Variants in HEMK2 observed in about 807,000 individuals in gnomAD.
The protein encoded by HEMK2 is methyltransferase HEMK2.
the HEMK2 span, among the ~76,000 whole-genome samples, chr21:28,590,709 T>C: frequency 3.9e-5 from 6 of 152,224 alleles, no homozygotes; most frequent in African/African-American, 1.4e-4. Flanking sequence ...GCCAAAGTCA[T>C]CACTGATGAA....
the HEMK2 span, among the ~76,000 whole-genome samples, chr21:28,881,399 T>G: frequency 1.2e-4 from 18 of 152,186 alleles, no homozygotes; most frequent in Non-Finnish European, 2.6e-4. Context: ...ATAACCCAAG[T>G]TGATCCAGAT....
chr21:28,779,645 T>C, the HEMK2 span, among the ~76,000 whole-genome samples: 1 of 152,150 alleles, frequency 6.6e-6, no homozygotes, highest in African/African-American at 2.4e-5. Flanking sequence ...GTAAGTGAGA[T>C]CTTCTGTCTC....
the HEMK2 span, among the ~76,000 whole-genome samples, chr21:28,759,843 G>A: frequency 3.9e-5 from 6 of 152,116 alleles, no homozygotes; most frequent in South Asian, 2.1e-4. Flanking sequence ...CCCCAGCCAC[G>A]TGGAACTGTG....
chr21:28,876,811 C>T, the HEMK2 span, among the ~76,000 whole-genome samples: 1 of 152,060 alleles, frequency 6.6e-6, no homozygotes, highest in South Asian at 2.1e-4. Flanking sequence ...TGGCTCCAAT[C>T]TCTGCCCTAT....
chr21:28,668,162 A>G, the HEMK2 span, among the ~76,000 whole-genome samples: 1 of 152,216 alleles, frequency 6.6e-6, no homozygotes, highest in Admixed American at 6.5e-5. Flanking sequence ...ACCTTAAATA[A>G]GGCACTAAAG....
the HEMK2 span, among the ~76,000 whole-genome samples, chr21:28,826,612 G>A: frequency 5.9e-5 from 9 of 152,242 alleles, no homozygotes; most frequent in South Asian, 8.3e-4. Flanking sequence ...GTTATCCACA[G>A]ACTGTATAAA....
At chr21:28,881,969 G>A in the HEMK2 span, among the ~76,000 whole-genome samples, 10 of 152,068 alleles carry the variant, frequency 6.6e-5, no homozygotes, top group Non-Finnish European at 1.2e-4. Context: ...GTTTGAACTG[G>A]GTTCACTATC....
At chr21:28,601,756 G>GCA in the HEMK2 span, among the ~76,000 whole-genome samples, 83,955 of 151,754 alleles carry the variant, frequency 0.55, 23,775 homozygotes, top group Middle Eastern at 0.59. Flanking sequence ...ACTGAAGCTA[G>GCA]CAGACTATTA....
the HEMK2 span, among the ~76,000 whole-genome samples, chr21:28,805,491 ATGTT>A: frequency 6.6e-6 from 1 of 152,222 alleles, no homozygotes; most frequent in Non-Finnish European, 1.5e-5. Flanking sequence ...TGAAACCAAA[ATGTT>A]TGGGAATTAC....
At chr21:28,598,591 T>C in the HEMK2 span, among the ~76,000 whole-genome samples, 1 of 152,242 alleles carries the variant, frequency 6.6e-6, no homozygotes, top group Admixed American at 6.5e-5. Context: ...TCTTAGCTTA[T>C]TTTAATGTGT....
At chr21:28,675,574 G>T in the HEMK2 span, among the ~76,000 whole-genome samples, 1 of 152,210 alleles carries the variant, frequency 6.6e-6, no homozygotes, top group African/African-American at 2.4e-5. Context: ...CTTGCTCAGG[G>T]CATGCCCTTA....
chr21:28,664,321 A>G, the HEMK2 span, among the ~76,000 whole-genome samples: 1 of 152,206 alleles, frequency 6.6e-6, no homozygotes, highest in African/African-American at 2.4e-5. Context: ...CCATAAATAA[A>G]TATATGTACA....
the HEMK2 span, among the ~76,000 whole-genome samples, chr21:28,720,876 T>C: frequency 6.6e-6 from 1 of 152,196 alleles, no homozygotes; most frequent in African/African-American, 2.4e-5. Flanking sequence ...TCCATACTTC[T>C]TGAGCCCAAC....
chr21:28,605,465 A>G, the HEMK2 span, among the ~76,000 whole-genome samples: 1 of 152,348 alleles, frequency 6.6e-6, no homozygotes, highest in East Asian at 1.9e-4. Flanking sequence ...GTCTTCAAAT[A>G]TGTCAAAAGC....
chr21:28,838,599 C>T, the HEMK2 span, among the ~76,000 whole-genome samples: 11,106 of 149,748 alleles, frequency 0.074, 472 homozygotes, highest in Middle Eastern at 0.11. Context: ...AACACAGATG[C>T]TAAAATCCTT....
chr21:28,655,486 C>A, the HEMK2 span, among the ~76,000 whole-genome samples: 1 of 152,160 alleles, frequency 6.6e-6, no homozygotes, highest in East Asian at 1.9e-4. Flanking sequence ...AAATCCATCT[C>A]AATTGAATTA....
the HEMK2 span, among the ~76,000 whole-genome samples, chr21:28,830,895 A>G: frequency 3.6e-3 from 1 of 280 alleles, no homozygotes; most frequent in Non-Finnish European, 8.1e-3. Flanking sequence ...AAAAAAAAAA[A>G]GAATGGTATC....
the HEMK2 span, among the ~76,000 whole-genome samples, chr21:28,877,213 G>A: frequency 1.2e-5 from 1 of 84,220 alleles, no homozygotes; most frequent in Admixed American, 1.3e-4. Flanking sequence ...GGAAGGGAGA[G>A]AAAGGAAGGG....
chr21:28,704,283 T>TA, the HEMK2 span, among the ~76,000 whole-genome samples: 1 of 152,210 alleles, frequency 6.6e-6, no homozygotes, highest in Admixed American at 6.5e-5. Context: ...TCCCCATTTT[T>TA]ATCCCTTCTC....
Sources: allele counts gnomAD v4.1 joint callset (sites outside exome capture counted in the v4.1 genomes callset), GRCh38; gene constraint gnomAD v4.1.1; transcripts MANE v1.5; gene names NCBI Gene and HGNC (gene_info 2026-07-23, HGNC 2026-07-21).